Variants in ADGRV1 observed in about 807,000 individuals in gnomAD.
The protein encoded by ADGRV1 is G-protein coupled receptor 98.
In ADGRV1, 359 loss-of-function variants were observed where a neutral mutation model predicts 596.2. That is an observed-to-expected ratio of 0.60 (90% CI 0.55 to 0.66). The LOEUF (loss-of-function observed/expected upper bound fraction) is 0.66. Among genes scored for constraint, ADGRV1 ranks in the 30% least tolerant of loss-of-function variants. ADGRV1 has a pLI of 0.00. For missense variants in ADGRV1, 7,274 were observed against 7,575.6 expected (o/e 0.96, Z 1.48); for synonymous variants, 2,681 against 2,679.2 (o/e 1.00, Z -0.02).
rs376159814 is a variant in ADGRV1 at position 90,965,223 on chromosome 5, T to G, written c.17857-192T>G. On this transcript the variant is annotated intron_variant, in intron 83 of 89. Transcript: ENST00000405460. The stretch of plus-strand genomic sequence containing the variant: ...GCATAATTTCATATCATGCGCTGTT[T>G]CTTAGAAATATAAAAATCCATATAT... Among the ~76,000 whole-genome samples the G allele has an allele frequency of 9.2e-5, 14 of 152,322 alleles. 1 individual carries two copies. The East Asian group carries it at 2.3e-3, about 25-fold the overall frequency.
intron 85 of ADGRV1, among the ~76,000 whole-genome samples, chr5:91,053,734 C>T (rs779112095): frequency 1.3e-5 from 2 of 152,254 alleles, no homozygotes; most frequent in Admixed American, 1.3e-4. Context: ...CCTTTCCTTG[C>T]GCTCCAGCCA....
intron 5 of ADGRV1, among the ~76,000 whole-genome samples, chr5:90,624,772 T>G (rs76802910): frequency 0.057 from 8,686 of 152,238 alleles, 825 homozygotes; most frequent in African/African-American, 0.2. Context: ...TCTTCACATC[T>G]TCACATCCAG....
At chr5:91,068,553 A>T (rs1251859641) in intron 85 of ADGRV1, among the ~76,000 whole-genome samples, 4 of 152,100 alleles carry the variant, frequency 2.6e-5, no homozygotes, top group Non-Finnish European at 4.4e-5. Flanking sequence ...CACAAAAAAA[A>T]AATACCTAAG....
At chr5:90,999,927 G>C (rs1325380773) in intron 85 of ADGRV1, among the ~76,000 whole-genome samples, 1 of 152,110 alleles carries the variant, frequency 6.6e-6, no homozygotes. Context: ...CAATTGATTT[G>C]AGGTTTGTAT....
At chr5:91,078,265 TC>T (rs1265731164) in intron 86 of ADGRV1, among the ~76,000 whole-genome samples, 1 of 152,152 alleles carries the variant, frequency 6.6e-6, no homozygotes, top group Non-Finnish European at 1.5e-5. Flanking sequence ...ATCCCTTACA[TC>T]CTAAAGTTGA....
intron 84 of ADGRV1, among the ~76,000 whole-genome samples, chr5:90,970,461 GGGAGGCATC>G (rs1213356027): frequency 1.3e-5 from 2 of 152,078 alleles, no homozygotes; most frequent in Non-Finnish European, 2.9e-5. Flanking sequence ...TAGCCTAACT[GGGAGGCATC>G]CCCCAGTAGG....
intron 1 of ADGRV1, among the ~76,000 whole-genome samples, chr5:90,608,052 G>A (rs970158563): frequency 1.3e-5 from 2 of 151,960 alleles, no homozygotes; most frequent in African/African-American, 2.4e-5. Context: ...AATTGAAAAC[G>A]ATAGCATAAA....
intron 86 of ADGRV1, among the ~76,000 whole-genome samples, chr5:91,085,711 C>T (rs932080965): frequency 6.6e-6 from 1 of 152,190 alleles, no homozygotes; most frequent in Non-Finnish European, 1.5e-5. Context: ...TTTTCCACAA[C>T]TGCCTCACAT....
intron 1 of ADGRV1, among the ~76,000 whole-genome samples, chr5:90,584,797 G>A (rs1362293512): frequency 6.6e-6 from 1 of 152,178 alleles, no homozygotes; most frequent in Admixed American, 6.5e-5. Context: ...AGTAAATACA[G>A]TATTAAGTTC....
chr5:90,723,512 G>A (rs1013471968), intron 45 of ADGRV1, among the ~76,000 whole-genome samples: 4 of 152,158 alleles, frequency 2.6e-5, no homozygotes, highest in Non-Finnish European at 4.4e-5. Flanking sequence ...ATTCTTAATT[G>A]TTAGCAGTCA....
At chr5:90,871,225 C>G (rs1415524348) in intron 83 of ADGRV1, among the ~76,000 whole-genome samples, 2 of 152,052 alleles carry the variant, frequency 1.3e-5, no homozygotes, top group African/African-American at 4.8e-5. Context: ...TTTTGGTACT[C>G]AAAATAGAGT....
At chr5:90,659,754 C>T (rs530462926) in intron 21 of ADGRV1, among the ~76,000 whole-genome samples, 14 of 152,102 alleles carry the variant, frequency 9.2e-5, no homozygotes, top group African/African-American at 1.7e-4. Context: ...AGAAACAGGC[C>T]GGGCGCGGTG....
At chr5:90,895,309 T>C (rs1335615381) in intron 83 of ADGRV1, among the ~76,000 whole-genome samples, 1 of 152,172 alleles carries the variant, frequency 6.6e-6, no homozygotes, top group Admixed American at 6.5e-5. Flanking sequence ...AAACACACTT[T>C]AGCTAGTGGT....
At chr5:90,637,975 G>T in intron 11 of ADGRV1, 27 bp downstream of exon 11, 10 of 1,483,944 alleles carry the variant, frequency 6.7e-6, no homozygotes, top group East Asian at 2.3e-5. Context: ...GTAATGTTTA[G>T]TATCATTTAT....
In ADGRV1 at chr5:91,068,376, G is replaced by A. The variant is rs568999804; in HGVS notation, c.18153-4071G>A. Among the ~76,000 whole-genome samples the A allele has an allele frequency of 8.0e-4, 122 of 152,082 alleles. 1 individual carries two copies. The highest frequency in any genetic ancestry group is 2.8e-3 in the African/African-American group (116 of 41,490). On this transcript the variant is annotated intron_variant, in intron 85 of 89. Transcript: ENST00000405460. ...CCCAGCTACTCAGGAGGCTGAGGCA[G>A]GAGAATGGTGTGAACCCAGGAGGCG...
intron 1 of ADGRV1, among the ~76,000 whole-genome samples, chr5:90,605,270 C>T (rs999625762): frequency 6.6e-6 from 1 of 152,128 alleles, no homozygotes; most frequent in African/African-American, 2.4e-5. Context: ...GAAAAATTAG[C>T]TGGGCGTGGT....
intron 84 of ADGRV1, among the ~76,000 whole-genome samples, chr5:90,970,550 C>CATTTGCTGCTCAGCAAT (rs1778872179): frequency 1.7e-5 from 1 of 58,020 alleles, no homozygotes; most frequent in Non-Finnish European, 2.9e-5. Context: ...GAGGCAGCAA[C>CATTTGCTGCTCAGCAAT]ATTTGCTGTT....
At chr5:90,870,269 T>A (rs945992035) in intron 83 of ADGRV1, among the ~76,000 whole-genome samples, 1 of 152,148 alleles carries the variant, frequency 6.6e-6, no homozygotes, top group African/African-American at 2.4e-5. Context: ...CATATTGCAT[T>A]ATTTACTCTT....
Position 90,720,189 on chromosome 5 carries a change from T to A in ADGRV1, c.9589T>A (p.Leu3197Met). 1 of 1,604,258 alleles carries A rather than the reference T, an allele frequency of 6.2e-7. No individual in the cohort carries two copies. ...LITVLQNQAPLGLFSISAVEN... is the reference protein window; with the variant it reads ...LITVLQNQAPMGLFSISAVEN... The stretch of plus-strand genomic sequence containing the variant: ...AACAGTTTTGCAAAACCAGGCCCCT[T>A]TGGGGCTATTCAGTATCTCTGCAGT... The change falls in exon 44 of 90, where the codon TTG becomes ATG. Residue 3197 changes from leucine to methionine, a missense_variant. This residue lies in a region of ADGRV1 where 3,643 missense variants were observed against 3,809.2 expected (regional missense o/e 0.96). Coordinates refer to ENST00000405460, the MANE Select transcript of ADGRV1 (RefSeq NM_032119.4).
Sources: allele counts gnomAD v4.1 joint callset (sites outside exome capture counted in the v4.1 genomes callset), GRCh38; gene constraint gnomAD v4.1.1; regional missense constraint gnomAD v4.1.1; transcripts MANE v1.5; gene names NCBI Gene and HGNC (gene_info 2026-07-23, HGNC 2026-07-21).